RASGRF2: variants seen among roughly 807,000 people sequenced by gnomAD.
The protein encoded by RASGRF2 is ras-specific guanine nucleotide-releasing factor 2.
RASGRF2 carries 76 observed loss-of-function variants against 151.0 expected under a neutral mutation model. The observed-to-expected ratio is 0.50, with a 90% CI of 0.42 to 0.61. The LOEUF is 0.61. RASGRF2 is among the 20% of genes least tolerant of loss of function. The pLI is 0.00. For missense variants in RASGRF2, 1,148 were observed against 1,564.6 expected, an observed-to-expected ratio of 0.73 and a Z score of 4.49; for synonymous variants, 504 against 566.5, an observed-to-expected ratio of 0.89 and a Z score of 1.57.
At chr5:81,188,422 C>T (rs1366692789) in intron 18 of RASGRF2, among the ~76,000 whole-genome samples, 3 of 152,144 alleles carry the variant, frequency 2.0e-5, no homozygotes, top group Admixed American at 6.5e-5. Flanking sequence ...CACTAGGACT[C>T]TGAGCAAGGA....
At chr5:81,165,740 T>C (rs771200175) in intron 17 of RASGRF2, among the ~76,000 whole-genome samples, 4 of 152,194 alleles carry the variant, frequency 2.6e-5, no homozygotes, top group Admixed American at 6.5e-5. Flanking sequence ...GTGCCAAAGC[T>C]TTGACTCATC....
At chr5:80,979,784 G>T (rs1748240168) in intron 1 of RASGRF2, among the ~76,000 whole-genome samples, 3 of 152,156 alleles carry the variant, frequency 2.0e-5, no homozygotes, top group Admixed American at 6.5e-5. Flanking sequence ...TAAATTTAAG[G>T]CTAGAGAATA....
chr5:81,212,933 A>G (rs1054657395), intron 23 of RASGRF2, among the ~76,000 whole-genome samples: 5 of 152,212 alleles, frequency 3.3e-5, no homozygotes, highest in Non-Finnish European at 7.3e-5. Context: ...GCCAGGGACA[A>G]AAGGCCTCAT....
chr5:81,026,080 C>T (rs1750017376), intron 1 of RASGRF2, among the ~76,000 whole-genome samples: 2 of 142,038 alleles, frequency 1.4e-5, no homozygotes, highest in Non-Finnish European at 3.0e-5. Context: ...TCTCTCCCTC[C>T]CTTCCTTCCT....
intron 1 of RASGRF2, among the ~76,000 whole-genome samples, chr5:81,039,612 A>G (rs1750618610): frequency 6.6e-6 from 1 of 152,178 alleles, no homozygotes; most frequent in Admixed American, 6.5e-5. Context: ...AGAAAAAACA[A>G]TATAGAGCAT....
At chr5:80,964,428 GC>G (rs1185681098) in intron 1 of RASGRF2, among the ~76,000 whole-genome samples, 2 of 152,094 alleles carry the variant, frequency 1.3e-5, no homozygotes, top group Admixed American at 1.3e-4. Flanking sequence ...GCTCTTGGTG[GC>G]TGTTATCCTC....
At chr5:81,056,849 T>C (rs1241100501) in intron 2 of RASGRF2, among the ~76,000 whole-genome samples, 4 of 152,222 alleles carry the variant, frequency 2.6e-5, no homozygotes, top group Admixed American at 2.0e-4. Flanking sequence ...TAGTTAGCTC[T>C]TCTTGTTGAA....
intron 17 of RASGRF2, among the ~76,000 whole-genome samples, chr5:81,178,567 G>A (rs561080461): frequency 4.6e-5 from 7 of 152,278 alleles, no homozygotes; most frequent in Admixed American, 3.9e-4. Context: ...TTAAGTGGTA[G>A]GCCTAGACGA....
intron 7 of RASGRF2, among the ~76,000 whole-genome samples, chr5:81,084,583 G>A (rs1752174066): frequency 6.6e-6 from 1 of 152,170 alleles, no homozygotes; most frequent in African/African-American, 2.4e-5. Flanking sequence ...GAAGTTCAAT[G>A]TCTGTGCTAA....
chr5:81,093,140 C>A (rs1752440120), intron 10 of RASGRF2, among the ~76,000 whole-genome samples, 179 bp downstream of exon 10: 1 of 152,072 alleles, frequency 6.6e-6, no homozygotes, highest in Non-Finnish European at 1.5e-5. Context: ...CATTTAAATT[C>A]AAAGTAACAG....
intron 18 of RASGRF2, among the ~76,000 whole-genome samples, chr5:81,201,115 G>A (rs1277228602): frequency 6.6e-6 from 1 of 152,000 alleles, no homozygotes; most frequent in Non-Finnish European, 1.5e-5. Flanking sequence ...CACCCCCTGG[G>A]GAGCCCCCAG....
intron 18 of RASGRF2, among the ~76,000 whole-genome samples, chr5:81,195,165 C>T (rs1755235864): frequency 6.6e-6 from 1 of 151,980 alleles, no homozygotes; most frequent in African/African-American, 2.4e-5. Flanking sequence ...GGCGACATCC[C>T]TCCTCCAGGC....
At chr5:81,204,347 A>G (rs1580404212) in intron 19 of RASGRF2, 1 of 152,330 alleles carries the variant, frequency 6.6e-6, no homozygotes, top group Admixed American at 6.5e-5. Context: ...AAAACATATC[A>G]TATGGTGGTT....
intron 2 of RASGRF2, among the ~76,000 whole-genome samples, chr5:81,045,320 T>C (rs955123219): frequency 6.6e-6 from 1 of 152,212 alleles, no homozygotes; most frequent in African/African-American, 2.4e-5. Context: ...CAAATGCCTT[T>C]GTAGTTGTCA....
intron 17 of RASGRF2, among the ~76,000 whole-genome samples, chr5:81,130,741 G>GA (rs1753596257): frequency 8.5e-6 from 1 of 118,228 alleles, no homozygotes; most frequent in Admixed American, 8.3e-5. Context: ...ATGCATCCAG[G>GA]TGAGTTGCAA....
chr5:81,052,517 T>C (rs1419054066), intron 2 of RASGRF2, among the ~76,000 whole-genome samples: 1 of 152,200 alleles, frequency 6.6e-6, no homozygotes, highest in African/African-American at 2.4e-5. Flanking sequence ...TTAACTAAGA[T>C]GCTTGTGTTT....
intron 1 of RASGRF2, among the ~76,000 whole-genome samples, chr5:80,972,922 A>T (rs1389254205): frequency 6.6e-6 from 1 of 152,196 alleles, no homozygotes; most frequent in Non-Finnish European, 1.5e-5. Flanking sequence ...TCATAATTTC[A>T]TATTGTTTAT....
rs764765268 is a variant in RASGRF2 at position 80,960,772 on chromosome 5, G to T, written c.34G>T (p.Ala12Ser). ...GAGCGTGCGCTACAACGAGGGGCAC[G>T]CCCTGTACCTGGCCTTTCTGGCGCG... is the stretch of plus-strand genomic sequence containing the variant. ...QKSVRYNEGH[A>S]LYLAFLARKE... The change falls in exon 1 of 27, where the codon GCC becomes TCC. Residue 12 changes from alanine to serine, a missense_variant. This residue lies in a region of RASGRF2 where 221 missense variants were observed against 271.3 expected (regional missense o/e 0.81). Transcript: ENST00000265080. This position sits in a 1 kb window ranked among gnomAD's most constrained non-coding sequence, Gnocchi z 5.5. 5.6e-6 allele frequency: 9 copies of T among 1,609,328 alleles called. No individual in the cohort carries two copies. Among genetic ancestry groups the T allele is most frequent in the East Asian group, 4.5e-5 (2 of 44,728 alleles).
chr5:81,131,776 C>T (rs1561223384), intron 17 of RASGRF2, among the ~76,000 whole-genome samples: 1 of 151,982 alleles, frequency 6.6e-6, no homozygotes, highest in Non-Finnish European at 1.5e-5. Context: ...ACCTGAGTCA[C>T]TGCTATCCAG....
Sources: gnomAD v4.1 joint callset for allele counts (sites outside exome capture counted in the v4.1 genomes callset) on GRCh38, gnomAD v4.1.1 for gene constraint, gnomAD v4.1.1 regional missense constraint, Gnocchi (gnomAD v3.1) non-coding constraint, MANE v1.5 for transcripts, NCBI Gene and HGNC (gene_info 2026-07-23, HGNC 2026-07-21) for gene names.